Variants in STK4 observed in about 807,000 individuals in gnomAD.
STK4 encodes serine/threonine-protein kinase 4.
STK4 carries 30 observed loss-of-function variants against 64.9 expected under a neutral mutation model. That is an observed-to-expected ratio of 0.46 (90% CI 0.35 to 0.63). The LOEUF (loss-of-function observed/expected upper bound fraction) is 0.63, where lower values mean the gene tolerates loss of function less well. Ranked by LOEUF, STK4 falls within the 20% of genes least tolerant of loss-of-function variation. The pLI is 0.01. For missense variants in STK4, 466 were observed against 598.5 expected, an observed-to-expected ratio of 0.78 and a Z score of 2.31; for synonymous variants, 177 against 199.0, an observed-to-expected ratio of 0.89 and a Z score of 0.93.
intron 9 of STK4, among the ~76,000 whole-genome samples, chr20:45,002,316 G>A (rs2067856162): frequency 6.6e-6 from 1 of 152,156 alleles, no homozygotes; most frequent in African/African-American, 2.4e-5. Flanking sequence ...TTTTCCAAAT[G>A]TGATTTTCAT....
At chr20:44,973,587 A>G (rs1315119905) in intron 2 of STK4, among the ~76,000 whole-genome samples, 1 of 152,256 alleles carries the variant, frequency 6.6e-6, no homozygotes, top group Non-Finnish European at 1.5e-5. Context: ...ACTGATAGGC[A>G]TAATTGACTA....
chr20:44,999,571 A>G (rs1004599359), intron 7 of STK4, among the ~76,000 whole-genome samples: 4 of 152,262 alleles, frequency 2.6e-5, no homozygotes, highest in African/African-American at 9.6e-5. Flanking sequence ...ATCACGTGCT[A>G]CAAATACAAA....
At chr20:45,042,720 A>G in intron 10 of STK4, among the ~76,000 whole-genome samples, 1 of 151,874 alleles carries the variant, frequency 6.6e-6, no homozygotes, top group Non-Finnish European at 1.5e-5. Flanking sequence ...TGTAGGGAGG[A>G]GAAGGCTGAT....
rs533992775 is a variant in STK4, at chr20:45,007,401, G to T, written c.1147+6048G>T. Among the ~76,000 whole-genome samples, 3 of 152,244 alleles carry T rather than the reference G, an allele frequency of 2.0e-5. No individual in the cohort carries two copies. In the East Asian group the frequency reaches 5.8e-4, roughly 29 times the overall value. On this transcript the variant is annotated intron_variant, in intron 9 of 10. Coordinates refer to ENST00000372806, the MANE Select transcript of STK4 (RefSeq NM_006282.5). ...CCCCATCTTAAGAATACAAAAATTA[G>T]CTGGGCATGGTGGCGGGCGCCTGTA... is the stretch of plus-strand genomic sequence containing the variant.
chr20:45,059,051 T>C (rs1275226613), intron 10 of STK4, among the ~76,000 whole-genome samples: 8 of 152,162 alleles, frequency 5.3e-5, no homozygotes, highest in Non-Finnish European at 1.0e-4. Context: ...GACCCCCCAC[T>C]GGACACCTGA....
chr20:44,975,018 T>C (rs1260977906), intron 2 of STK4: 1 of 152,240 alleles, frequency 6.6e-6, no homozygotes, highest in African/African-American at 2.4e-5. Context: ...GTTGTACACA[T>C]TGACTCATTT....
intron 3 of STK4, 48 bp from the exon 4 acceptor site, chr20:44,981,781 G>A (rs2067444320): frequency 9.0e-7 from 1 of 1,105,800 alleles, no homozygotes; most frequent in Non-Finnish European, 1.4e-6. Flanking sequence ...TGAATTAAGA[G>A]ATATTTGAAG....
intron 6 of STK4, among the ~76,000 whole-genome samples, chr20:44,996,947 G>C (rs1445725912): frequency 6.6e-6 from 1 of 152,022 alleles, no homozygotes; most frequent in Admixed American, 6.6e-5. Flanking sequence ...GTGAGGTTTA[G>C]GGAACAAGAC....
At chr20:45,059,014 C>T (rs1423978477) in intron 10 of STK4, among the ~76,000 whole-genome samples, 1 of 152,102 alleles carries the variant, frequency 6.6e-6, no homozygotes, top group East Asian at 1.9e-4. Flanking sequence ...ACAGTGTCCC[C>T]CTTGTCAATG....
At position 45,075,942 on chromosome 20, in the gene STK4, G is replaced by A. The variant is rs990245099; in HGVS notation, c.*766G>A. ...TTCATCCATCTCCACTCTCTCAACT[G>A]CCTAAAGTCACAGCACAGATACTGC... On this transcript the variant is annotated 3_prime_UTR_variant, in exon 11 of 11. Coordinates refer to ENST00000372806, the MANE Select transcript of STK4 (RefSeq NM_006282.5). 2 of 152,652 alleles carry A rather than the reference G, an allele frequency of 1.3e-5. No individual in the cohort carries two copies. Among genetic ancestry groups the A allele is most frequent in the African/African-American group, 2.4e-5 (1 of 41,432 alleles). 9.5% of individuals were successfully genotyped at this position (152,652 alleles called of 1,614,324 possible).
At chr20:45,021,803 G>T (rs2068252851) in intron 9 of STK4, among the ~76,000 whole-genome samples, 2 of 152,146 alleles carry the variant, frequency 1.3e-5, no homozygotes, top group Admixed American at 1.3e-4. Flanking sequence ...TAGATGAGAG[G>T]CATCCAGTAT....
At chr20:45,041,001 G>A (rs2068604769) in intron 10 of STK4, among the ~76,000 whole-genome samples, 1 of 152,124 alleles carries the variant, frequency 6.6e-6, no homozygotes, top group Non-Finnish European at 1.5e-5. Flanking sequence ...TTAAAGATTT[G>A]TGTTGCAGCT....
intron 10 of STK4, among the ~76,000 whole-genome samples, chr20:45,070,464 C>A (rs1184692740): frequency 1.3e-5 from 2 of 152,018 alleles, no homozygotes; most frequent in African/African-American, 4.8e-5. Flanking sequence ...AAGGAAGGAT[C>A]AGGGATGATT....
intron 10 of STK4, among the ~76,000 whole-genome samples, chr20:45,062,658 T>G (rs979084093): frequency 6.6e-6 from 1 of 151,126 alleles, no homozygotes; most frequent in Non-Finnish European, 1.5e-5. Context: ...TACTGTGGGG[T>G]TTTTTTTTGT....
chr20:45,061,029 G>A (rs1368330032), intron 10 of STK4, among the ~76,000 whole-genome samples: 1 of 152,106 alleles, frequency 6.6e-6, no homozygotes, highest in Non-Finnish European at 1.5e-5. Context: ...GTTTCTGATG[G>A]GTTCTTGCTG....
intron 10 of STK4, among the ~76,000 whole-genome samples, chr20:45,060,504 A>G (rs551317919): frequency 9.3e-4 from 142 of 152,226 alleles, no homozygotes; most frequent in Non-Finnish European, 1.5e-3. Context: ...CCATCTGTCA[A>G]TTCCTATAGC....
chr20:45,025,333 G>A (rs1413673530), intron 10 of STK4, among the ~76,000 whole-genome samples: 1 of 152,224 alleles, frequency 6.6e-6, no homozygotes, highest in Non-Finnish European at 1.5e-5. Context: ...CGCTTTCGAA[G>A]TCCATATTCA....
intron 10 of STK4, among the ~76,000 whole-genome samples, chr20:45,037,147 G>A (rs540797423): frequency 2.0e-4 from 31 of 152,088 alleles, no homozygotes; most frequent in Non-Finnish European, 4.1e-4. Context: ...GGCTGTAGGA[G>A]CCCAAAAGAG....
chr20:45,002,144 T>G (rs2067852827), intron 9 of STK4, among the ~76,000 whole-genome samples: 1 of 152,224 alleles, frequency 6.6e-6, no homozygotes, highest in Admixed American at 6.5e-5. Context: ...CCTCTAGTTA[T>G]TTTCATTGAC....
Sources: allele counts gnomAD v4.1 joint callset (sites outside exome capture counted in the v4.1 genomes callset), GRCh38; gene constraint gnomAD v4.1.1; transcripts MANE v1.5; gene names NCBI Gene and HGNC (gene_info 2026-07-23, HGNC 2026-07-21).